CDC42SE2: variants seen among roughly 807,000 people sequenced by gnomAD.
The protein encoded by CDC42SE2 is CDC42 small effector 2, also known as CDC42 small effector protein 2.
A neutral mutation model predicts 11.5 loss-of-function variants in CDC42SE2; 3 were observed. The observed-to-expected ratio is 0.26, with a 90% CI of 0.12 to 0.67. The LOEUF (loss-of-function observed/expected upper bound fraction) is 0.67. Ranked by LOEUF, CDC42SE2 falls within the 30% of genes least tolerant of loss-of-function variation. The probability of loss-of-function intolerance (pLI) is 0.80; values close to 1 mark genes in which losing one functional copy is unlikely to be tolerated. For synonymous variants in CDC42SE2, 33 were observed against 34.8 expected (o/e 0.95, Z 0.18); for missense variants, 82 against 106.8 (o/e 0.77, Z 1.02).
At chr5:131,284,404 G>A (rs184684463) in intron 1 of CDC42SE2, among the ~76,000 whole-genome samples, 14 of 152,316 alleles carry the variant, frequency 9.2e-5, no homozygotes, top group Non-Finnish European at 1.6e-4. Context: ...AATTGTTAGA[G>A]TGCTAAAGTA....
At position 131,251,045 on chromosome 5, in the gene CDC42SE2, T is replaced by C. The variant is rs560643629; in HGVS notation, n.108-4050T>C. On this transcript the variant is annotated intron_variant and non_coding_transcript_variant, in intron 1 of 3. Transcript: ENST00000502840. Reference sequence around the variant, plus strand: ...TCAACCTAAAACTGCTTTTAAAAATTTCATTAATTTTAAATTTTTTAAATG... The same window carrying C: ...TCAACCTAAAACTGCTTTTAAAAATCTCATTAATTTTAAATTTTTTAAATG... 4.7e-4 allele frequency among the ~76,000 whole-genome samples: 71 copies of C among 152,306 alleles called. 1 individual carries two copies. Among genetic ancestry groups the C allele is most frequent in the Admixed American group, 4.6e-4 (7 of 15,300 alleles).
intron 1 of CDC42SE2, among the ~76,000 whole-genome samples, chr5:131,292,617 G>A (rs1757482701): frequency 1.4e-5 from 2 of 141,890 alleles, no homozygotes; most frequent in South Asian, 4.5e-4. Flanking sequence ...ACACAGTTAG[G>A]GCTGGGTGTG....
chr5:131,229,646 GAGA>G, the CDC42SE2 span, among the ~76,000 whole-genome samples: 3,817 of 152,226 alleles, frequency 0.025, 158 homozygotes, highest in African/African-American at 0.088. Flanking sequence ...ATAAAGAAGA[GAGA>G]AAGGCCGGGC....
At position 131,321,368 on chromosome 5, in the gene CDC42SE2, T is replaced by C. The variant is rs184598017; in HGVS notation, c.-286+5224T>C. Among the ~76,000 whole-genome samples, 635 of 152,270 alleles carry C rather than the reference T, an allele frequency of 4.2e-3. 3 individuals are homozygous for C. Among genetic ancestry groups the C allele is most frequent in the Middle Eastern group, 0.02 (6 of 294 alleles). ...CTTAAAAGAGGCAGTTTTTTAAAAG[T>C]TACTGATATTAGCTGGGTGTAGTGG... On this transcript the variant is annotated intron_variant, in intron 2 of 4. Transcript: ENST00000505065.
intron 1 of CDC42SE2, among the ~76,000 whole-genome samples, chr5:131,278,057 G>A (rs1385709331): frequency 2.0e-5 from 3 of 152,198 alleles, no homozygotes; most frequent in African/African-American, 7.2e-5. Flanking sequence ...TCAGTGGCAT[G>A]ATCAGGACTC....
At chr5:131,232,214 G>T in the CDC42SE2 span, among the ~76,000 whole-genome samples, 5 of 151,962 alleles carry the variant, frequency 3.3e-5, no homozygotes, top group African/African-American at 1.2e-4. Context: ...CCCGAACTCA[G>T]GTGATCCTCC....
intron 1 of CDC42SE2, among the ~76,000 whole-genome samples, chr5:131,302,973 A>G (rs1180206344): frequency 6.6e-6 from 1 of 152,182 alleles, no homozygotes; most frequent in Non-Finnish European, 1.5e-5. Context: ...ATGGTCTTGG[A>G]ATGTTAACAG....
At chr5:131,376,806 C>G (rs1310062217) in intron 3 of CDC42SE2, among the ~76,000 whole-genome samples, 1 of 152,146 alleles carries the variant, frequency 6.6e-6, no homozygotes, top group Admixed American at 6.5e-5. Context: ...CCATGTTGCT[C>G]CAAAGGACAT....
chr5:131,328,687 C>T (rs1758347200), intron 2 of CDC42SE2, among the ~76,000 whole-genome samples: 1 of 152,166 alleles, frequency 6.6e-6, no homozygotes, highest in Non-Finnish European at 1.5e-5. Flanking sequence ...GTGAGTCATC[C>T]TTCTTTCACA....
At chr5:131,258,482 CTTG>C (rs1392741401) in intron 2 of CDC42SE2, among the ~76,000 whole-genome samples, 2 of 152,068 alleles carry the variant, frequency 1.3e-5, no homozygotes, top group Non-Finnish European at 2.9e-5. Context: ...TTCCTCTTAT[CTTG>C]TTGTCCCCAG....
chr5:131,219,038 G>A, the CDC42SE2 span, among the ~76,000 whole-genome samples: 1 of 152,188 alleles, frequency 6.6e-6, no homozygotes, highest in Non-Finnish European at 1.5e-5. Context: ...TTACTAGGGT[G>A]CTAGCAATAG....
At chr5:131,271,952 T>G (rs1278763613) in intron 1 of CDC42SE2, among the ~76,000 whole-genome samples, 1 of 152,142 alleles carries the variant, frequency 6.6e-6, no homozygotes, top group Non-Finnish European at 1.5e-5. Flanking sequence ...TCCCTTTAAA[T>G]TCATGACCAC....
intron 1 of CDC42SE2, among the ~76,000 whole-genome samples, chr5:131,292,387 G>C (rs1222299856): frequency 4.1e-5 from 6 of 147,376 alleles, no homozygotes; most frequent in Non-Finnish European, 7.5e-5. Flanking sequence ...GGCCAACATG[G>C]TGAAAACCCA....
chr5:131,324,252 G>A (rs917971321), intron 2 of CDC42SE2, among the ~76,000 whole-genome samples: 1 of 152,022 alleles, frequency 6.6e-6, no homozygotes, highest in African/African-American at 2.4e-5. Flanking sequence ...AATAACTTTT[G>A]CCAGACCTGA....
At chr5:131,227,135 A>G in the CDC42SE2 span, among the ~76,000 whole-genome samples, 1 of 152,336 alleles carries the variant, frequency 6.6e-6, no homozygotes, top group Admixed American at 6.5e-5. Flanking sequence ...GTGATGACTC[A>G]CGCCTGTAAT....
intron 1 of CDC42SE2, among the ~76,000 whole-genome samples, chr5:131,301,264 G>A (rs1355525348): frequency 6.6e-6 from 1 of 152,108 alleles, no homozygotes; most frequent in Non-Finnish European, 1.5e-5. Context: ...ACGTTCTAGT[G>A]TTCTATGGCC....
At chr5:131,222,479 G>A in the CDC42SE2 span, among the ~76,000 whole-genome samples, 1 of 152,182 alleles carries the variant, frequency 6.6e-6, no homozygotes, top group Non-Finnish European at 1.5e-5. Flanking sequence ...CACATTATAA[G>A]CACTGAACAT....
At chr5:131,220,308 C>T in the CDC42SE2 span, among the ~76,000 whole-genome samples, 1 of 152,186 alleles carries the variant, frequency 6.6e-6, no homozygotes, top group East Asian at 1.9e-4. Flanking sequence ...CCGGTTCAAG[C>T]GATTCTCCTG....
intron 2 of CDC42SE2, among the ~76,000 whole-genome samples, chr5:131,348,244 C>T (rs1477796828): frequency 1.3e-5 from 2 of 152,178 alleles, no homozygotes; most frequent in Non-Finnish European, 2.9e-5. Flanking sequence ...ATCTAGAAAA[C>T]CCCATCATCT....
Sources: gnomAD v4.1 joint callset for allele counts (sites outside exome capture counted in the v4.1 genomes callset) on GRCh38, gnomAD v4.1.1 for gene constraint, MANE v1.5 for transcripts, NCBI Gene and HGNC (gene_info 2026-07-23, HGNC 2026-07-21) for gene names.